Variants in TTC28 observed in about 807,000 individuals in gnomAD.
TTC28 encodes the protein tetratricopeptide repeat domain 28.
TTC28 carries 61 observed loss-of-function variants against 198.0 expected under a neutral mutation model. That is an observed-to-expected ratio of 0.31 (90% CI 0.25 to 0.38). The LOEUF is 0.38. Among genes scored for constraint, TTC28 ranks in the 10% least tolerant of loss-of-function variants. The pLI, the probability that TTC28 is intolerant of heterozygous loss-of-function variation, is 1.00. For missense variants in TTC28, 2,678 were observed against 3,164.0 expected, an observed-to-expected ratio of 0.85 and a Z score of 3.69; for synonymous variants, 1,171 against 1,297.8, an observed-to-expected ratio of 0.90 and a Z score of 2.10.
chr22:28,652,565 T>C (rs2051581094), intron 1 of TTC28, among the ~76,000 whole-genome samples: 1 of 152,220 alleles, frequency 6.6e-6, no homozygotes, highest in Non-Finnish European at 1.5e-5. Flanking sequence ...TAAATGTCTA[T>C]GGAAACATTT....
chr22:28,347,966 G>A (rs2045934612), intron 2 of TTC28, among the ~76,000 whole-genome samples: 1 of 152,214 alleles, frequency 6.6e-6, no homozygotes, highest in South Asian at 2.1e-4. Context: ...AGACCTACCA[G>A]ACTGGTATCA....
chr22:28,387,867 T>C (rs1403723424), intron 2 of TTC28, among the ~76,000 whole-genome samples: 5 of 152,230 alleles, frequency 3.3e-5, no homozygotes, highest in Admixed American at 6.5e-5. Context: ...CATTTGTCAA[T>C]TTTGGCTTTG....
chr22:28,233,783 C>T (rs538300149), intron 5 of TTC28, among the ~76,000 whole-genome samples: 2 of 152,252 alleles, frequency 1.3e-5, no homozygotes, highest in East Asian at 1.9e-4. Context: ...CTCATTCTGT[C>T]GCCCAGGCTG....
intron 12 of TTC28, among the ~76,000 whole-genome samples, chr22:28,039,951 A>G (rs1448094075): frequency 6.6e-6 from 1 of 152,214 alleles, no homozygotes. Context: ...AGAGAATACT[A>G]TAAACACCTC....
rs1278581348 is a variant in TTC28 at position 27,998,723 on chromosome 22, G to C, written c.4936C>G (p.Leu1646Val). Residue 1646 changes from leucine to valine, a missense_variant, in exon 16 of 23, where the codon CTG becomes GTG. By Grantham distance (32) the Leu-to-Val change is conservative. This residue lies in a region of TTC28 where 314 missense variants were observed against 442.7 expected (regional missense o/e 0.71). Coordinates refer to ENST00000397906, the MANE Select transcript of TTC28 (RefSeq NM_001145418.2). ...DGVIALTRAF[L>V]AAGAQCVLVS... is the part of the protein sequence containing the mutation. ...AGGACACACTGAGCGCCGGCAGCCAGGAAGGCCCTTGTCAGCGCGATGACC... is the reference window on the plus strand; with the variant it reads ...AGGACACACTGAGCGCCGGCAGCCACGAAGGCCCTTGTCAGCGCGATGACC... The C allele has an allele frequency of 6.4e-7, 1 of 1,550,812 alleles. No homozygotes were observed. The highest frequency in any genetic ancestry group is 8.7e-7 in the Non-Finnish European group (1 of 1,147,006).
At position 27,992,949 on chromosome 22, in the gene TTC28, C is replaced by G. The variant is rs1417773283; in HGVS notation, c.5477-286G>C. 3 of 558,264 alleles carry G rather than the reference C, an allele frequency of 5.4e-6. No homozygotes were observed. In the African/African-American group the frequency reaches 5.6e-5, roughly 11 times the overall value. 34.6% of individuals were successfully genotyped at this position (558,264 alleles called of 1,614,324 possible). ...CCCCTAGTCAAGCACCCAGCTTCAC[C>G]CTGGGGTTGGCCGCACAGCTTCATC... On this transcript the variant is annotated intron_variant, in intron 18 of 22. Transcript: ENST00000397906.
rs1355593089 is a variant in TTC28 at position 28,107,880 on chromosome 22, C to T, written c.1965G>A (p.Lys655=). ...CCAGTGCCAGATCCTGTTCGTAGTA[C>T]TTCACTGCCTCCTGATAGTTTCCAA... ...YCLGNYQEAV[K]YYEQDLALAK... The change falls in exon 7 of 23, where the codon AAG becomes AAA. Residue 655 remains lysine, a synonymous_variant. Coordinates refer to ENST00000397906, the MANE Select transcript of TTC28 (RefSeq NM_001145418.2). The T allele has an allele frequency of 1.2e-5, 18 of 1,551,808 alleles. No homozygotes were observed. Among genetic ancestry groups the T allele is most frequent in the Admixed American group, 2.0e-5 (1 of 51,004 alleles).
chr22:28,349,645 T>C (rs1167554108), intron 2 of TTC28, among the ~76,000 whole-genome samples: 2 of 152,182 alleles, frequency 1.3e-5, no homozygotes, highest in African/African-American at 2.4e-5. Context: ...AGTTTCCTCT[T>C]ACACAAAATA....
chr22:28,357,658 T>C lies in TTC28; in HGVS notation c.382-51015A>G, dbSNP rs572345892. Among the ~76,000 whole-genome samples, 3 of 152,294 alleles carry C rather than the reference T, an allele frequency of 2.0e-5. No individual in the cohort carries two copies. In the East Asian group the frequency reaches 5.8e-4, roughly 29 times the overall value. ...TTCCAGACAGATTTTGTTAAGTCAATTGAGTTTTTTACATTCTAAAATTCA... is the reference window on the plus strand; with the variant it reads ...TTCCAGACAGATTTTGTTAAGTCAACTGAGTTTTTTACATTCTAAAATTCA... On this transcript the variant is annotated intron_variant, in intron 2 of 22. Coordinates refer to ENST00000397906, the MANE Select transcript of TTC28 (RefSeq NM_001145418.2).
intron 3 of TTC28, among the ~76,000 whole-genome samples, chr22:28,301,482 TGAA>T (rs979033045): frequency 2.0e-5 from 3 of 152,188 alleles, no homozygotes; most frequent in Non-Finnish European, 4.4e-5. Context: ...TCCTAACACT[TGAA>T]GAGCTTGTAG....
intron 14 of TTC28, among the ~76,000 whole-genome samples, chr22:28,010,201 A>G (rs994666704): frequency 6.6e-6 from 1 of 152,114 alleles, no homozygotes; most frequent in African/African-American, 2.4e-5. Context: ...CATTTTTTGA[A>G]ATGCTGGTGA....
At chr22:28,338,840 G>A (rs116155704) in intron 2 of TTC28, among the ~76,000 whole-genome samples, 46 of 152,038 alleles carry the variant, frequency 3.0e-4, no homozygotes, top group African/African-American at 9.4e-4. Flanking sequence ...CTCTCAACTC[G>A]TCATTGATCA....
Position 27,980,129 on chromosome 22 carries a change from A to G in TTC28, c.*2092T>C, listed in dbSNP as rs557687487. 7 of 152,308 alleles carry G rather than the reference A, an allele frequency of 4.6e-5. No individual in the cohort carries two copies. Among genetic ancestry groups the G allele is most frequent in the Admixed American group, 3.9e-4 (6 of 15,296 alleles). 9.4% of individuals were successfully genotyped at this position (152,308 alleles called of 1,614,324 possible). On this transcript the variant is annotated 3_prime_UTR_variant, in exon 23 of 23. Coordinates refer to ENST00000397906, the MANE Select transcript of TTC28 (RefSeq NM_001145418.2). The stretch of plus-strand genomic sequence containing the variant: ...CAGGGATCCTTGGCACTTGGGAAAG[A>G]AGGAGGCTGAGAGATTTGCTAAGAG...
At chr22:28,108,459 G>A in intron 6 of TTC28, 56 bp from the exon 7 acceptor site, 4 of 1,347,750 alleles carry the variant, frequency 3.0e-6, no homozygotes, top group South Asian at 2.2e-5. Flanking sequence ...TTGCAATGTA[G>A]AAAGAAATGT....
chr22:28,509,136 A>G (rs1354321871), intron 2 of TTC28, among the ~76,000 whole-genome samples: 4 of 151,484 alleles, frequency 2.6e-5, no homozygotes, highest in Admixed American at 2.6e-4. Flanking sequence ...GGTTGCAGTG[A>G]GCTGAGATTG....
intron 20 of TTC28, 139 bp downstream of exon 20, chr22:27,990,650 A>G: frequency 1.4e-6 from 1 of 731,978 alleles, no homozygotes; most frequent in South Asian, 1.9e-5. Context: ...AGCAGTGCGC[A>G]CCCGCGGGGG....
chr22:28,363,702 A>G (rs1220784637), intron 2 of TTC28, among the ~76,000 whole-genome samples: 1 of 152,166 alleles, frequency 6.6e-6, no homozygotes, highest in Non-Finnish European at 1.5e-5. Flanking sequence ...GCTGCCCAAG[A>G]TTATGGGAAC....
chr22:28,427,419 C>T (rs892093346), intron 2 of TTC28, among the ~76,000 whole-genome samples: 2 of 152,042 alleles, frequency 1.3e-5, no homozygotes, highest in Non-Finnish European at 2.9e-5. Context: ...TTTGGGAGGC[C>T]GAGGAGGGCA....
chr22:28,603,947 G>A (rs571880439), intron 2 of TTC28, among the ~76,000 whole-genome samples: 1 of 151,948 alleles, frequency 6.6e-6, no homozygotes, highest in African/African-American at 2.4e-5. Context: ...TAAGTGTATT[G>A]GTCATCTATC....
Sources: gnomAD v4.1 joint callset for allele counts (sites outside exome capture counted in the v4.1 genomes callset) on GRCh38, gnomAD v4.1.1 for gene constraint, gnomAD v4.1.1 regional missense constraint, MANE v1.5 for transcripts, NCBI Gene and HGNC (gene_info 2026-07-23, HGNC 2026-07-21) for gene names.